SARM1: variants seen among roughly 807,000 people sequenced by gnomAD.
SARM1 encodes the protein sterile alpha and TIR motif containing 1.
Under a neutral mutation model 65.1 loss-of-function variants are expected in SARM1, and 60 were observed. The ratio of observed to expected loss-of-function variants is 0.92; its 90% confidence interval spans 0.75 to 1.14. The LOEUF (loss-of-function observed/expected upper bound fraction) is 1.14, where lower values mean the gene tolerates loss of function less well. Ranked by LOEUF, SARM1 falls within the 50% of genes most tolerant of loss-of-function variation. SARM1 has a pLI of 0.00. For synonymous variants in SARM1, 417 were observed against 465.4 expected (o/e 0.90, Z 1.34); for missense variants, 913 against 1,015.7 (o/e 0.90, Z 1.37).
chr17:28,389,235 G>C (rs1211668958), intron 7 of SARM1, among the ~76,000 whole-genome samples: 1 of 151,850 alleles, frequency 6.6e-6, no homozygotes, highest in Non-Finnish European at 1.5e-5. Flanking sequence ...CTGGAAAGAG[G>C]GTATAATAAT....
rs1555589717 is a variant in SARM1, at chr17:28,402,057, AGG to A, written c.*5772_*5773del. On this transcript the variant is annotated 3_prime_UTR_variant, in exon 9 of 9. Transcript: ENST00000585482. Reference sequence around the variant, plus strand: ...CCCAACTCTGCGGTTTGAAAATCCAAGGTGGCATGATCCTCTGCCCATTGTGG... The same window carrying A: ...CCCAACTCTGCGGTTTGAAAATCCAATGGCATGATCCTCTGCCCATTGTGG... 1 of 545,970 alleles carries A rather than the reference AGG, an allele frequency of 1.8e-6. No individual in the cohort carries two copies. The highest frequency in any genetic ancestry group is 3.3e-6 in the Non-Finnish European group (1 of 306,848). 33.8% of individuals were successfully genotyped at this position (545,970 alleles called of 1,614,324 possible).
In SARM1 at chr17:28,381,230, C is replaced by T. The variant is rs782740767; in HGVS notation, c.498C>T (p.Gly166=). The change falls in exon 2 of 9, where the codon GGC becomes GGT. Residue 166 remains glycine (G), a synonymous_variant. Coordinates refer to ENST00000585482, the MANE Select transcript of SARM1 (RefSeq NM_015077.4). ...ACCGCGTGGCGCGCATTGGGCTGGGCGTGATCCTGAACCTGGCGAAGGAAC... is the reference window on the plus strand; with the variant it reads ...ACCGCGTGGCGCGCATTGGGCTGGGTGTGATCCTGAACCTGGCGAAGGAAC... ...NRDRVARIGL[G]VILNLAKERE... The T allele has an allele frequency of 7.0e-5, 113 of 1,609,532 alleles. No individual in the cohort carries two copies. The highest frequency in any genetic ancestry group is 1.2e-4 in the Admixed American group (7 of 59,476).
chr17:28,393,571 A>AAAAGAAAG (rs1223580982), intron 7 of SARM1, among the ~76,000 whole-genome samples: 2 of 152,048 alleles, frequency 1.3e-5, no homozygotes, highest in South Asian at 4.1e-4. Context: ...CCAAAAAAAA[A>AAAAGAAAG]AAAGAAAGAA....
Position 28,372,311 on chromosome 17 carries a change from C to G in SARM1, c.279C>G (p.Ala93=), listed in dbSNP as rs1411786900. 3 of 1,442,354 alleles carry G rather than the reference C, an allele frequency of 2.1e-6. No individual in the cohort carries two copies. The African/African-American group carries it at 4.5e-5, about 22-fold the overall frequency. The allele number at this position is 1,442,354 out of a possible 1,614,324, so 89.3% of individuals were successfully genotyped here. A position where few individuals can be genotyped will look rare whatever the true frequency, so the allele number is the denominator to read the frequency against. Residue 93 remains alanine, a synonymous_variant, in exon 1 of 9, where the codon GCC becomes GCG. Transcript: ENST00000585482. The surrounding 1 kb of genome is among the most constrained non-coding windows in gnomAD (Gnocchi z 5.2). ...CGCGGGCCGTGGGCGCCGGCCTGGC[C>G]GAGGTCTTCCAACTGGTGGAGGAGG... ...GGARAVGAGL[A]EVFQLVEEAW... is the part of the protein sequence containing the mutation.
rs568873712 is a variant in SARM1 at position 28,371,841 on chromosome 17, A to G, written c.-192A>G. 6.3e-5 allele frequency: 29 copies of G among 459,706 alleles called. No homozygotes were observed. In the Admixed American group the frequency reaches 1.1e-3, roughly 17 times the overall value. 28.5% of individuals were successfully genotyped at this position (459,706 alleles called of 1,614,324 possible). ...ATCTGGGCCTGCATCACCTTTGCCA[A>G]CCGCTCCCCCGATCCTGCCGACACT... On this transcript the variant is annotated 5_prime_UTR_variant, in exon 1 of 9. Transcript: ENST00000585482.
chr17:28,381,482 A>G lies in SARM1; in HGVS notation c.750A>G (p.Ala250=), dbSNP rs2142428687. ...AVQRRMVEKR[A]AEWLFPLAFS... ...AGCGACGCATGGTAGAGAAGCGCGC[A>G]GCCGAGTGGCTCTTCCCGCTCGCCT... is the stretch of plus-strand genomic sequence containing the variant. Residue 250 remains alanine (A), a synonymous_variant, in exon 2 of 9, where the codon GCA becomes GCG. Transcript: ENST00000585482. 7 of 1,554,028 alleles carry G rather than the reference A, an allele frequency of 4.5e-6. No individual in the cohort carries two copies. The highest frequency in any genetic ancestry group is 2.4e-5 in the East Asian group (1 of 41,288).
intron 7 of SARM1, among the ~76,000 whole-genome samples, chr17:28,392,803 CG>C (rs2068087443): frequency 6.6e-6 from 1 of 152,144 alleles, no homozygotes; most frequent in Non-Finnish European, 1.5e-5. Flanking sequence ...CACCCCTTGT[CG>C]TCCCAGCAGA....
chr17:28,399,773 G>A lies in SARM1; in HGVS notation c.*3487G>A. 6.3e-7 allele frequency: 1 copy of A among 1,580,884 alleles called. No homozygotes were observed. Reference sequence around the variant, plus strand: ...GTGGGGAACCCTCAAGGCCTGTCTGGAGAAGTGACACAGGATTTACTGGGG... The same window carrying A: ...GTGGGGAACCCTCAAGGCCTGTCTGAAGAAGTGACACAGGATTTACTGGGG... On this transcript the variant is annotated 3_prime_UTR_variant, in exon 9 of 9. Coordinates refer to ENST00000585482, the MANE Select transcript of SARM1 (RefSeq NM_015077.4).
chr17:28,372,192 T>C lies in SARM1; in HGVS notation c.160T>C (p.Ser54Pro). ...GGGTGGCCGCGGGCCCCGCGAAGTG[T>C]CGCCGGGGGCAGGCACCGAGGTGCA... ...AAGGRGPREV[S>P]PGAGTEVQDA... The change falls in exon 1 of 9, where the codon TCG (serine) becomes CCG (proline). Residue 54 changes from serine (S) to proline (P), a missense_variant. By Grantham distance (74) the Ser-to-Pro change is moderately conservative. This residue lies in a region of SARM1 where 862 missense variants were observed against 952.1 expected (regional missense o/e 0.91). Transcript: ENST00000585482. The surrounding 1 kb of genome is among the most constrained non-coding windows in gnomAD (Gnocchi z 5.2). The C allele has an allele frequency of 7.3e-7, 1 of 1,365,664 alleles. No individual in the cohort carries two copies. The highest frequency in any genetic ancestry group is 9.4e-7 in the Non-Finnish European group (1 of 1,068,820). 84.6% of individuals were successfully genotyped at this position (1,365,664 alleles called of 1,614,324 possible).
intron 7 of SARM1, 113 bp downstream of exon 7, chr17:28,388,652 C>T (rs560399758): frequency 9.3e-7 from 1 of 1,075,322 alleles, no homozygotes; most frequent in East Asian, 2.4e-5. Flanking sequence ...CCCTGAAGCA[C>T]CTCCTTGGCC....
At chr17:28,379,740 G>T (rs1361702524) in intron 1 of SARM1, among the ~76,000 whole-genome samples, 5 of 152,220 alleles carry the variant, frequency 3.3e-5, no homozygotes, top group Admixed American at 2.0e-4. Flanking sequence ...GAGTTAGAAA[G>T]TGATGGGGAA....
intron 1 of SARM1, chr17:28,373,973 A>G (rs1466468270): frequency 6.6e-6 from 1 of 152,252 alleles, no homozygotes. Context: ...TTCCAAAGAA[A>G]GGCAGGATCC....
chr17:28,377,547 T>C (rs2067999656), intron 1 of SARM1, among the ~76,000 whole-genome samples: 1 of 152,268 alleles, frequency 6.6e-6, no homozygotes, highest in Non-Finnish European at 1.5e-5. Context: ...AAGGCTGCAG[T>C]GAGCTGTGAG....
Position 28,372,284 on chromosome 17 carries a change from C to T in SARM1, c.252C>T (p.Gly84=). Residue 84 remains glycine (G), a synonymous_variant, in exon 1 of 9, where the codon GGC becomes GGT. Transcript: ENST00000585482. The surrounding 1 kb of genome is among the most constrained non-coding windows in gnomAD (Gnocchi z 5.2). ...QALSALKQAG[G]ARAVGAGLAE... is the part of the protein sequence containing the mutation. ...TGTCCGCGCTGAAGCAGGCGGGCGG[C>T]GCGCGGGCCGTGGGCGCCGGCCTGG... is the stretch of plus-strand genomic sequence containing the variant. The T allele has an allele frequency of 1.4e-6, 2 of 1,393,542 alleles. No homozygotes were observed. The highest frequency in any genetic ancestry group is 1.8e-6 in the Non-Finnish European group (2 of 1,084,842). The allele number at this position is 1,393,542 out of a possible 1,614,324, so 86.3% of individuals were successfully genotyped here.
intron 1 of SARM1, among the ~76,000 whole-genome samples, chr17:28,375,723 A>G (rs1555584528): frequency 3.3e-5 from 5 of 151,906 alleles, no homozygotes; most frequent in Non-Finnish European, 7.4e-5. Context: ...GTAATCTCAG[A>G]ACTTTAGGAG....
At position 28,396,536 on chromosome 17, in the gene SARM1, T is replaced by C. The variant is rs147971222; in HGVS notation, c.*250T>C. 2,443 of 541,756 alleles carry C rather than the reference T, an allele frequency of 4.5e-3. 15 individuals are homozygous for C. The highest frequency in any genetic ancestry group is 0.012 in the Middle Eastern group (25 of 2,052). 33.6% of individuals were successfully genotyped at this position (541,756 alleles called of 1,614,324 possible). A position where few individuals can be genotyped will look rare whatever the true frequency, so the allele number is the denominator to read the frequency against. On this transcript the variant is annotated 3_prime_UTR_variant, in exon 9 of 9. Transcript: ENST00000585482. ...CCCCAGGCCCTGCCATTGGGTTGTC[T>C]GTCTCCGTCATGGGGAGGGTCCCTG...
intron 1 of SARM1, among the ~76,000 whole-genome samples, chr17:28,380,619 GAATA>G (rs1241435557): frequency 2.6e-5 from 4 of 152,358 alleles, no homozygotes; most frequent in East Asian, 1.9e-4. Context: ...TTGAATGAAT[GAATA>G]GATATGCCCC....
intron 2 of SARM1, 30 bp downstream of exon 2, chr17:28,381,851 A>C (rs1202857732): frequency 7.1e-7 from 1 of 1,407,462 alleles, no homozygotes; most frequent in African/African-American, 1.5e-5. Flanking sequence ...TGGGTGGATC[A>C]GGGGTTAGAG....
Position 28,372,256 on chromosome 17 carries a change from C to T in SARM1, c.224C>T (p.Ala75Val). Residue 75 changes from alanine (A) to valine (V), a missense_variant, in exon 1 of 9, where the codon GCC (alanine) becomes GTC (valine). Ala to Val is a moderately conservative substitution (Grantham distance 64). This residue lies in a region of SARM1 where 862 missense variants were observed against 952.1 expected (regional missense o/e 0.91). Coordinates refer to ENST00000585482, the MANE Select transcript of SARM1 (RefSeq NM_015077.4). The surrounding 1 kb of genome is among the most constrained non-coding windows in gnomAD (Gnocchi z 5.2). ...CGCGCGCTGCCGGAGCTGCAGCAGG[C>T]CTTGTCCGCGCTGAAGCAGGCGGGC... is the stretch of plus-strand genomic sequence containing the variant. Reference protein sequence around the residue: ...LERALPELQQALSALKQAGGA... With the variant: ...LERALPELQQVLSALKQAGGA... 1 of 1,394,652 alleles carries T rather than the reference C, an allele frequency of 7.2e-7. No homozygotes were observed. The highest frequency in any genetic ancestry group is 1.6e-5 in the South Asian group (1 of 62,968). 86.4% of individuals were successfully genotyped at this position (1,394,652 alleles called of 1,614,324 possible). A position where few individuals can be genotyped will look rare whatever the true frequency, so the allele number is the denominator to read the frequency against.
Sources: gnomAD v4.1 joint callset for allele counts (sites outside exome capture counted in the v4.1 genomes callset) on GRCh38, gnomAD v4.1.1 for gene constraint, gnomAD v4.1.1 regional missense constraint, Gnocchi (gnomAD v3.1) non-coding constraint, MANE v1.5 for transcripts, NCBI Gene and HGNC (gene_info 2026-07-23, HGNC 2026-07-21) for gene names.